PRKD3: variants seen among roughly 807,000 people sequenced by gnomAD.
PRKD3 encodes the protein protein kinase D3.
Under a neutral mutation model 99.2 loss-of-function variants are expected in PRKD3, and 47 were observed. The ratio of observed to expected loss-of-function variants is 0.47; its 90% CI spans 0.38 to 0.60. The LOEUF is 0.60. Among genes scored for constraint, PRKD3 ranks in the 20% least tolerant of loss-of-function variants. The pLI, the probability that PRKD3 is intolerant of heterozygous loss-of-function variation, is 0.00. For synonymous variants in PRKD3, 392 were observed against 355.4 expected (o/e 1.10, Z -1.16); for missense variants, 1,019 against 1,088.4 (o/e 0.94, Z 0.90).
intron 1 of PRKD3, among the ~76,000 whole-genome samples, chr2:37,320,753 GATGA>G (rs1347203615): frequency 2.0e-5 from 3 of 152,064 alleles, no homozygotes; most frequent in Admixed American, 2.0e-4. Flanking sequence ...CTTCTACTTT[GATGA>G]ATGTCTTCCC....
intron 9 of PRKD3, 69 bp downstream of exon 9, chr2:37,277,797 T>TA: frequency 2.0e-6 from 3 of 1,511,570 alleles, no homozygotes; most frequent in Non-Finnish European, 1.8e-6. Context: ...CATTTTGATT[T>TA]AAAAAATGCA....
At chr2:37,259,114 A>G (rs1668214417) in intron 16 of PRKD3, among the ~76,000 whole-genome samples, 1 of 152,190 alleles carries the variant, frequency 6.6e-6, no homozygotes, top group East Asian at 1.9e-4. Context: ...GCCAGGACAC[A>G]GAAGCACGAT....
Position 37,279,815 on chromosome 2 carries a change from T to A in PRKD3, c.1103A>T (p.Asp368Val), listed in dbSNP as rs62001876. 39 of 1,613,952 alleles carry A rather than the reference T, an allele frequency of 2.4e-5. No individual in the cohort carries two copies. Among genetic ancestry groups the A allele is most frequent in the Non-Finnish European group, 3.1e-5 (37 of 1,179,972 alleles). ...DDTEEPSPPE[D>V]KMFFLDPSDL... is the part of the protein sequence containing the mutation. Reference sequence around the variant, plus strand: ...AGATGGATCCAAGAAGAACATCTTATCTTCTGGGGGTGATGGCTCTTCTGT... The same window carrying A: ...AGATGGATCCAAGAAGAACATCTTAACTTCTGGGGGTGATGGCTCTTCTGT... Residue 368 changes from aspartate (D) to valine (V), a missense_variant, in exon 8 of 19, where the codon GAT becomes GTT. Coordinates refer to ENST00000234179, the MANE Select transcript of PRKD3 (RefSeq NM_005813.6).
At chr2:37,316,216 T>A (rs747960651) in intron 2 of PRKD3, 21 bp downstream of exon 2, 2 of 1,576,416 alleles carry the variant, frequency 1.3e-6, no homozygotes, top group Non-Finnish European at 8.7e-7. Context: ...TATTTACTAC[T>A]GATAATAGCA....
intron 14 of PRKD3, among the ~76,000 whole-genome samples, chr2:37,262,519 T>G (rs1668542020): frequency 6.6e-6 from 1 of 152,202 alleles, no homozygotes; most frequent in East Asian, 1.9e-4. Context: ...AAATACAAAA[T>G]GACAACATTT....
rs767141884 is a variant in PRKD3 at position 37,259,609 on chromosome 2, G to C, written c.2119C>G (p.Leu707Val). The C allele has an allele frequency of 6.2e-7, 1 of 1,612,754 alleles. No homozygotes were observed. Among genetic ancestry groups the C allele is most frequent in the Non-Finnish European group, 8.5e-7 (1 of 1,178,790 alleles). The change falls in exon 16 of 19, where the codon CTT becomes GTT. Residue 707 changes from leucine (L) to valine (V), a missense_variant. Leu to Val is a conservative substitution (Grantham distance 32). Coordinates refer to ENST00000234179, the MANE Select transcript of PRKD3 (RefSeq NM_005813.6). The stretch of plus-strand genomic sequence containing the variant: ...TGAGGAAATGGCTCTGCTGATGCAA[G>C]CAGCACATTTTCTGGCTTTAAATCA... ...HCDLKPENVL[L>V]ASAEPFPQVK... is the part of the protein sequence containing the mutation.
intron 2 of PRKD3, among the ~76,000 whole-genome samples, chr2:37,311,763 C>T (rs1256307316): frequency 6.6e-6 from 1 of 152,024 alleles, no homozygotes; most frequent in South Asian, 2.1e-4. Flanking sequence ...CTTATCTGGT[C>T]CTTAGGCTTA....
intron 18 of PRKD3, among the ~76,000 whole-genome samples, chr2:37,253,936 ATATGTCATACTAATCT>A (rs1400515358): frequency 1.3e-5 from 2 of 152,246 alleles, no homozygotes; most frequent in Non-Finnish European, 2.9e-5. Flanking sequence ...TGATAAATTA[ATATGTCATACTAATCT>A]TACAAAAAGG....
chr2:37,254,735 C>G (rs371863628), intron 17 of PRKD3, among the ~76,000 whole-genome samples: 94 of 152,254 alleles, frequency 6.2e-4, no homozygotes, highest in African/African-American at 2.2e-3. Flanking sequence ...CTGATCCTCC[C>G]CACCCCGCTC....
rs189343663 is a variant in PRKD3, at chr2:37,262,098, G to C, written c.1885-1714C>G. Among the ~76,000 whole-genome samples, 163 of 152,190 alleles carry C rather than the reference G, an allele frequency of 1.1e-3. 1 individual carries two copies. Among genetic ancestry groups the C allele is most frequent in the African/African-American group, 3.7e-3 (152 of 41,532 alleles). On this transcript the variant is annotated intron_variant, in intron 14 of 18. Coordinates refer to ENST00000234179, the MANE Select transcript of PRKD3 (RefSeq NM_005813.6). ...CTTAGTTATTTTCAAACTTAAGATG[G>C]GTTTATGGAGATATGACCCCGTCGC...
intron 14 of PRKD3, among the ~76,000 whole-genome samples, chr2:37,266,964 T>C (rs556337429): frequency 4.6e-5 from 7 of 152,300 alleles, no homozygotes; most frequent in African/African-American, 1.2e-4. Context: ...GAAAAACACA[T>C]AGGAATTTAT....
At position 37,317,186 on chromosome 2, in the gene PRKD3, G is replaced by A. The variant is rs904053876; in HGVS notation, c.-655-7C>T. 1.0e-6 allele frequency: 1 copy of A among 966,106 alleles called. No individual in the cohort carries two copies. Among genetic ancestry groups the A allele is most frequent in the African/African-American group, 1.8e-5 (1 of 56,696 alleles). 59.8% of individuals were successfully genotyped at this position (966,106 alleles called of 1,614,324 possible). On this transcript the variant is annotated splice_polypyrimidine_tract_variant and splice_region_variant and intron_variant, in intron 1 of 18. Transcript: ENST00000234179. ...TTTCTGACATATAGTTAGCCTGGAA[G>A]GAAATTTTTTAAAGGTTTTTAATAC... is the stretch of plus-strand genomic sequence containing the variant.
intron 4 of PRKD3, among the ~76,000 whole-genome samples, chr2:37,290,319 C>T (rs1030717111): frequency 3.9e-5 from 6 of 152,114 alleles, no homozygotes; most frequent in African/African-American, 1.4e-4. Context: ...ACCTCCGTCA[C>T]CCAGGCAGGT....
intron 18 of PRKD3, 114 bp from the exon 19 acceptor site, chr2:37,253,464 A>T (rs1572593979): frequency 1.2e-6 from 1 of 803,134 alleles, no homozygotes; most frequent in African/African-American, 1.7e-5. Context: ...AATAATTGAC[A>T]GGCGCTACTC....
intron 12 of PRKD3, among the ~76,000 whole-genome samples, chr2:37,271,399 A>T (rs1231582219): frequency 6.6e-6 from 1 of 152,202 alleles, no homozygotes; most frequent in Non-Finnish European, 1.5e-5. Flanking sequence ...AGGGTCCATA[A>T]ATAAAGTTTT....
chr2:37,289,565 TTAAG>T lies in PRKD3; in HGVS notation c.560-56_560-53del, dbSNP rs760729951. ...TAAGATTTAAAAAAAAATTTACTAT[TTAAG>T]TGTGATACATAAAAACCACTGCTTC... is the stretch of plus-strand genomic sequence containing the variant. On this transcript the variant is annotated intron_variant, in intron 4 of 18. Transcript: ENST00000234179. 5.1e-5 allele frequency: 71 copies of T among 1,405,310 alleles called. No individual in the cohort carries two copies. The Middle Eastern group carries it at 7.5e-4, about 15-fold the overall frequency. 87.1% of individuals were successfully genotyped at this position (1,405,310 alleles called of 1,614,324 possible). A position where few individuals can be genotyped will look rare whatever the true frequency, so the allele number is the denominator to read the frequency against.
chr2:37,283,823 C>CA (rs1258508385), intron 6 of PRKD3, among the ~76,000 whole-genome samples: 9 of 132,150 alleles, frequency 6.8e-5, no homozygotes, highest in Non-Finnish European at 7.8e-5. Flanking sequence ...CCTGTCTCTA[C>CA]AAAAAAAATA....
At position 37,254,260 on chromosome 2, in the gene PRKD3, C is replaced by T. The variant is rs917847522; in HGVS notation, c.2443G>A (p.Val815Met). The T allele has an allele frequency of 1.9e-6, 3 of 1,613,322 alleles. No homozygotes were observed. The highest frequency in any genetic ancestry group is 2.5e-6 in the Non-Finnish European group (3 of 1,179,462). The change falls in exon 18 of 19, where the codon GTG becomes ATG. Residue 815 changes from valine to methionine, a missense_variant. Val to Met is a conservative substitution (Grantham distance 21). Transcript: ENST00000234179. ...AIDLINNLLQ[V>M]KMRKRYSVDK... Reference sequence around the variant, plus strand: ...ACACTGTAACGTTTTCTCATCTTCACTTGAAGCAGATTGTTTATCAGATCA... The same window carrying T: ...ACACTGTAACGTTTTCTCATCTTCATTTGAAGCAGATTGTTTATCAGATCA...
chr2:37,260,261 G>T lies in PRKD3; in HGVS notation c.2008C>A (p.Arg670=). The T allele has an allele frequency of 6.2e-7, 1 of 1,611,292 alleles. No individual in the cohort carries two copies. Among genetic ancestry groups the T allele is most frequent in the Non-Finnish European group, 8.5e-7 (1 of 1,178,048 alleles). The stretch of plus-strand genomic sequence containing the variant: ...AATTTAGTAATTCGTTCTGGAAGCC[G>T]ACTTTTCTCACTGGATAGAATCATT... ...LEMILSSEKS[R]LPERITKFMV... Residue 670 remains arginine (R), a synonymous_variant, in exon 15 of 19, where the codon CGG becomes AGG. Transcript: ENST00000234179.
Sources: allele counts gnomAD v4.1 joint callset (sites outside exome capture counted in the v4.1 genomes callset), GRCh38; gene constraint gnomAD v4.1.1; transcripts MANE v1.5; gene names NCBI Gene and HGNC (gene_info 2026-07-23, HGNC 2026-07-21).